The following OXR1 variants were observed in gnomAD, a reference collection of about 807,000 sequenced individuals.
OXR1 encodes oxidation resistance 1.
In OXR1, 41 loss-of-function variants were observed where a neutral mutation model predicts 104.6. The observed-to-expected ratio is 0.39, with a 90% CI of 0.31 to 0.51. The LOEUF is 0.51. OXR1 is among the 20% of genes least tolerant of loss of function. The pLI is 0.77. For synonymous variants in OXR1, 348 were observed against 348.4 expected (o/e 1.00, Z 0.01); for missense variants, 955 against 1,031.9 (o/e 0.93, Z 1.02).
intron 3 of OXR1, among the ~76,000 whole-genome samples, chr8:106,617,603 T>G (rs943635173): frequency 6.6e-6 from 1 of 152,238 alleles, no homozygotes; most frequent in Non-Finnish European, 1.5e-5. Context: ...ATATCCATTA[T>G]GATGCAATTG....
intron 2 of OXR1, among the ~76,000 whole-genome samples, chr8:106,361,881 G>A (rs765017950): frequency 8.5e-5 from 13 of 152,172 alleles, no homozygotes; most frequent in Non-Finnish European, 1.5e-4. Context: ...TGCCATGCTT[G>A]ATTTAGCCTG....
At chr8:106,593,361 A>C (rs1199164273) in intron 3 of OXR1, among the ~76,000 whole-genome samples, 1 of 152,210 alleles carries the variant, frequency 6.6e-6, no homozygotes, top group Non-Finnish European at 1.5e-5. Flanking sequence ...TTGTATAGAG[A>C]TATCATATAA....
In OXR1 at chr8:106,344,879, G is replaced by C. The variant is rs573565122; in HGVS notation, c.-138-14597G>C. On this transcript the variant is annotated intron_variant, in intron 1 of 16. Transcript: ENST00000517566. ...CTTACATGCCTTTCACAATTCTTTT[G>C]TGTCTTGACAAATTCTACACCATCT... 4.6e-5 allele frequency among the ~76,000 whole-genome samples: 7 copies of C among 151,764 alleles called. No individual in the cohort carries two copies. The South Asian group carries it at 1.0e-3, about 23-fold the overall frequency.
intron 2 of OXR1, among the ~76,000 whole-genome samples, chr8:106,367,855 G>A (rs1263208457): frequency 6.6e-6 from 1 of 152,132 alleles, no homozygotes; most frequent in African/African-American, 2.4e-5. Context: ...ACCATTTCAG[G>A]CAGAGAAACA....
At chr8:106,647,826 G>A (rs1283686974) in intron 3 of OXR1, among the ~76,000 whole-genome samples, 1 of 152,130 alleles carries the variant, frequency 6.6e-6, no homozygotes, top group Admixed American at 6.5e-5. Context: ...TAGTTGACAG[G>A]TAGATATAAT....
At chr8:106,345,553 T>C (rs1476029215) in intron 1 of OXR1, among the ~76,000 whole-genome samples, 1 of 152,186 alleles carries the variant, frequency 6.6e-6, no homozygotes, top group Non-Finnish European at 1.5e-5. Context: ...TAGGAGGATA[T>C]AGAGTATCTC....
chr8:106,682,128 C>A (rs1055891625), intron 4 of OXR1, among the ~76,000 whole-genome samples: 1 of 152,094 alleles, frequency 6.6e-6, no homozygotes, highest in East Asian at 1.9e-4. Flanking sequence ...CTCAAAACTT[C>A]TATTGCATTC....
At chr8:106,632,314 T>C (rs1304173775) in intron 3 of OXR1, among the ~76,000 whole-genome samples, 1 of 152,216 alleles carries the variant, frequency 6.6e-6, no homozygotes, top group African/African-American at 2.4e-5. Context: ...GTGTCTTTTA[T>C]CTTTATATGG....
chr8:106,470,996 G>A (rs1821460906), intron 2 of OXR1, among the ~76,000 whole-genome samples: 1 of 151,680 alleles, frequency 6.6e-6, no homozygotes, highest in South Asian at 2.1e-4. Context: ...TGACCAGGGT[G>A]GATTTAAAAG....
intron 11 of OXR1, among the ~76,000 whole-genome samples, chr8:106,732,125 A>G (rs569144699): frequency 2.6e-4 from 39 of 152,202 alleles, no homozygotes; most frequent in African/African-American, 8.4e-4. Context: ...TATGTATTTC[A>G]TTTACATTAT....
At chr8:106,366,258 G>A (rs1372349236) in intron 2 of OXR1, among the ~76,000 whole-genome samples, 1 of 152,092 alleles carries the variant, frequency 6.6e-6, no homozygotes, top group Non-Finnish European at 1.5e-5. Flanking sequence ...ATTCTCAAAT[G>A]AACCATAATT....
chr8:106,294,412 A>AAAAAAAG (rs71307051), intron 1 of OXR1, among the ~76,000 whole-genome samples: 14 of 131,456 alleles, frequency 1.1e-4, no homozygotes, highest in South Asian at 2.5e-4. Context: ...AAAAAAAAAA[A>AAAAAAAG]AAAGAAAGAA....
intron 3 of OXR1, among the ~76,000 whole-genome samples, chr8:106,585,654 A>G (rs1377419898): frequency 6.6e-6 from 1 of 152,168 alleles, no homozygotes; most frequent in East Asian, 1.9e-4. Context: ...TATGGAGTAA[A>G]GAAAATGCCA....
intron 3 of OXR1, among the ~76,000 whole-genome samples, chr8:106,617,509 T>C (rs1821343625): frequency 6.6e-6 from 1 of 152,168 alleles, no homozygotes; most frequent in African/African-American, 2.4e-5. Context: ...ACTAAGCAGT[T>C]AGTGCTGTTG....
intron 7 of OXR1, among the ~76,000 whole-genome samples, chr8:106,695,156 C>T (rs1460812476): frequency 6.7e-6 from 1 of 150,310 alleles, no homozygotes; most frequent in African/African-American, 2.4e-5. Flanking sequence ...ATTATTTTTG[C>T]TTTAAAAAGT....
chr8:106,381,781 G>T (rs187723813), intron 2 of OXR1, among the ~76,000 whole-genome samples: 19 of 152,154 alleles, frequency 1.2e-4, no homozygotes, highest in Admixed American at 6.5e-4. Context: ...AGTTATTTTT[G>T]CAGTGACATT....
At chr8:106,596,326 A>G (rs1178570764) in intron 3 of OXR1, among the ~76,000 whole-genome samples, 1 of 151,908 alleles carries the variant, frequency 6.6e-6, no homozygotes, top group Non-Finnish European at 1.5e-5. Flanking sequence ...TGTGTCTGTA[A>G]TCCCTGCTAC....
intron 3 of OXR1, among the ~76,000 whole-genome samples, chr8:106,641,173 G>A (rs982059028): frequency 6.6e-6 from 1 of 152,078 alleles, no homozygotes; most frequent in Non-Finnish European, 1.5e-5. Flanking sequence ...TTTGCCATAT[G>A]AGCTTACAAT....
At chr8:106,289,929 C>T (rs1812679221) in intron 1 of OXR1, among the ~76,000 whole-genome samples, 1 of 152,126 alleles carries the variant, frequency 6.6e-6, no homozygotes, top group Non-Finnish European at 1.5e-5. Context: ...CTTTGACTGG[C>T]ACTTCTCCTT....
Sources: allele counts gnomAD v4.1 joint callset (sites outside exome capture counted in the v4.1 genomes callset), GRCh38; gene constraint gnomAD v4.1.1; transcripts MANE v1.5; gene names NCBI Gene and HGNC (gene_info 2026-07-23, HGNC 2026-07-21).